The following TRPM3 variants were observed in gnomAD, a reference collection of about 807,000 sequenced individuals.
TRPM3 encodes the protein long transient receptor potential channel 3.
A neutral mutation model predicts 181.2 loss-of-function variants in TRPM3; 77 were observed. The observed-to-expected ratio is 0.42, with a 90% CI of 0.35 to 0.51. The LOEUF (loss-of-function observed/expected upper bound fraction) is 0.51. TRPM3 is among the 20% of genes least tolerant of loss of function. The pLI is 0.01. For synonymous variants in TRPM3, 745 were observed against 796.4 expected, an observed-to-expected ratio of 0.94 and a Z score of 1.09; for missense variants, 1,759 against 2,196.7, an observed-to-expected ratio of 0.80 and a Z score of 3.98.
At chr9:71,209,406 G>GA (rs1160974585) in intron 1 of TRPM3, among the ~76,000 whole-genome samples, 3 of 101,640 alleles carry the variant, frequency 3.0e-5, no homozygotes, top group Non-Finnish European at 6.4e-5. Flanking sequence ...GAAGGAGGGA[G>GA]GGAGAGAGAG....
At position 70,781,346 on chromosome 9, in the gene TRPM3, A is replaced by AAAAAAAAAAAAAAAAAAG. The variant is rs1564254422; in HGVS notation, c.1148+2758_1148+2759insCTTTTTTTTTTTTTTTTT. Among the ~76,000 whole-genome samples the AAAAAAAAAAAAAAAAAAG allele has an allele frequency of 5.4e-5, 8 of 147,508 alleles. No homozygotes were observed. The South Asian group carries it at 1.8e-3, about 32-fold the overall frequency. ...TTTCATAAAAAAAAAAAAAAAAAAA[A>AAAAAAAAAAAAAAAAAAG]AAAGAAAACATGATATTTTTGACTC... On this transcript the variant is annotated intron_variant, in intron 7 of 25. Coordinates refer to ENST00000677713, the MANE Select transcript of TRPM3 (RefSeq NM_001366145.2).
At chr9:71,204,176 CA>C (rs1425576270) in intron 1 of TRPM3, among the ~76,000 whole-genome samples, 2 of 150,952 alleles carry the variant, frequency 1.3e-5, no homozygotes, top group African/African-American at 4.9e-5. Context: ...TCTAAAACAC[CA>C]AAAGCAATGG....
chr9:71,339,216 C>G (rs1205670692), intron 1 of TRPM3, among the ~76,000 whole-genome samples: 1 of 151,964 alleles, frequency 6.6e-6, no homozygotes, highest in South Asian at 2.1e-4. Context: ...AAAAACACCC[C>G]TTGTTATTGT....
intron 1 of TRPM3, among the ~76,000 whole-genome samples, chr9:71,350,827 G>T (rs992905937): frequency 2.0e-5 from 3 of 152,146 alleles, no homozygotes. Flanking sequence ...ACAGCAGAAA[G>T]ATGTACCTTC....
intron 9 of TRPM3, among the ~76,000 whole-genome samples, chr9:70,664,811 C>T (rs1003498511): frequency 2.0e-5 from 3 of 151,920 alleles, no homozygotes; most frequent in Non-Finnish European, 4.4e-5. Context: ...CCACCACCCC[C>T]GGCTAATCTT....
chr9:71,113,010 A>C (rs2071481107), intron 1 of TRPM3, among the ~76,000 whole-genome samples: 1 of 152,228 alleles, frequency 6.6e-6, no homozygotes, highest in African/African-American at 2.4e-5. Context: ...GCAGCAAAGT[A>C]GGCAGAGGCC....
At chr9:71,133,149 C>T (rs1042692042) in intron 1 of TRPM3, among the ~76,000 whole-genome samples, 2 of 152,038 alleles carry the variant, frequency 1.3e-5, no homozygotes, top group South Asian at 2.1e-4. Flanking sequence ...ATTAGTGAAT[C>T]ATTGACAAAA....
intron 8 of TRPM3, among the ~76,000 whole-genome samples, chr9:70,690,361 G>A (rs751501860): frequency 6.6e-6 from 1 of 152,062 alleles, no homozygotes; most frequent in Non-Finnish European, 1.5e-5. Context: ...CAATAGGCTT[G>A]AGCACACTAA....
chr9:71,044,299 C>T (rs2059172316), intron 1 of TRPM3, among the ~76,000 whole-genome samples: 1 of 152,128 alleles, frequency 6.6e-6, no homozygotes, highest in African/African-American at 2.4e-5. Context: ...CGGTCCTCAC[C>T]ACCCCTAAGC....
chr9:70,647,225 A>G (rs1350956943), intron 9 of TRPM3, among the ~76,000 whole-genome samples: 1 of 152,128 alleles, frequency 6.6e-6, no homozygotes, highest in African/African-American at 2.4e-5. Context: ...AACCTGGCAG[A>G]GACACAATGA....
At chr9:70,919,127 C>T (rs545184073) in intron 1 of TRPM3, among the ~76,000 whole-genome samples, 1 of 152,250 alleles carries the variant, frequency 6.6e-6, no homozygotes, top group South Asian at 2.1e-4. Context: ...TAAAAGAATA[C>T]TTTTCCTAAA....
chr9:70,588,961 A>C (rs528931746), intron 22 of TRPM3, among the ~76,000 whole-genome samples: 1 of 152,238 alleles, frequency 6.6e-6, no homozygotes, highest in Non-Finnish European at 1.5e-5. Context: ...TGGCTGATTT[A>C]GCTTAGAACA....
intron 1 of TRPM3, among the ~76,000 whole-genome samples, chr9:71,141,429 AT>A (rs2075094112): frequency 6.6e-6 from 1 of 152,220 alleles, no homozygotes; most frequent in Non-Finnish European, 1.5e-5. Flanking sequence ...GTAACAAGCC[AT>A]GGATGTAACT....
At chr9:71,441,052 T>C (rs2094129864) in intron 1 of TRPM3, among the ~76,000 whole-genome samples, 1 of 152,172 alleles carries the variant, frequency 6.6e-6, no homozygotes, top group African/African-American at 2.4e-5. Flanking sequence ...CTTAAAGTAT[T>C]TGAATTAGGC....
chr9:71,240,335 T>C (rs2081590523), intron 1 of TRPM3, among the ~76,000 whole-genome samples: 1 of 152,176 alleles, frequency 6.6e-6, no homozygotes, highest in Non-Finnish European at 1.5e-5. Context: ...ATTAGCTAGA[T>C]TACAAGTTCC....
chr9:71,051,985 G>A (rs1173330999), intron 1 of TRPM3, among the ~76,000 whole-genome samples: 2 of 152,186 alleles, frequency 1.3e-5, no homozygotes, highest in East Asian at 3.9e-4. Context: ...ACAGAATTTG[G>A]CTTCATGTTA....
At chr9:71,373,560 C>T (rs2092586955) in intron 1 of TRPM3, among the ~76,000 whole-genome samples, 1 of 152,132 alleles carries the variant, frequency 6.6e-6, no homozygotes, top group South Asian at 2.1e-4. Flanking sequence ...CGCATACACC[C>T]TCCCATGACT....
At chr9:71,051,674 G>A (rs376930645) in intron 1 of TRPM3, among the ~76,000 whole-genome samples, 214 of 152,190 alleles carry the variant, frequency 1.4e-3, no homozygotes, top group African/African-American at 4.1e-3. Context: ...TTATTTAGCC[G>A]TTTCTTTTTA....
chr9:71,368,389 G>C (rs574788170), intron 1 of TRPM3, among the ~76,000 whole-genome samples: 1 of 152,106 alleles, frequency 6.6e-6, no homozygotes, highest in Non-Finnish European at 1.5e-5. Context: ...CATGTGAATC[G>C]TACTGACAGC....
Sources: gnomAD v4.1 joint callset for allele counts (sites outside exome capture counted in the v4.1 genomes callset) on GRCh38, gnomAD v4.1.1 for gene constraint, MANE v1.5 for transcripts, NCBI Gene and HGNC (gene_info 2026-07-23, HGNC 2026-07-21) for gene names.